SETD1B: variants seen among roughly 807,000 people sequenced by gnomAD.
SETD1B encodes histone-lysine N-methyltransferase SETD1B.
Under a neutral mutation model 148.0 loss-of-function variants are expected in SETD1B, and 7 were observed. The observed-to-expected ratio is 0.05, with a 90% confidence interval of 0.03 to 0.09. The LOEUF (loss-of-function observed/expected upper bound fraction) is 0.09, where lower values mean the gene tolerates loss of function less well. Among genes scored for constraint, SETD1B ranks in the 10% least tolerant of loss-of-function variants. SETD1B has a pLI of 1.00. For missense variants in SETD1B, 2,155 were observed against 2,729.9 expected (o/e 0.79, Z 4.69); for synonymous variants, 1,361 against 1,186.5 (o/e 1.15, Z -3.02).
chr12:121,827,466 G>C (rs1237059702), intron 13 of SETD1B, 53 bp from the exon 14 acceptor site: 15 of 1,479,852 alleles, frequency 1.0e-5, no homozygotes, highest in African/African-American at 1.4e-5. Context: ...CCTAGGGTGG[G>C]ACCGCCGAGG....
chr12:121,822,395 G>A (rs1035518336), intron 11 of SETD1B, 95 bp from the exon 12 acceptor site: 1 of 1,414,960 alleles, frequency 7.1e-7, no homozygotes, highest in Non-Finnish European at 9.4e-7. Context: ...TCAGACTCAG[G>A]GCTGTGAGCC....
chr12:121,816,471 A>C (rs1415781403), intron 7 of SETD1B, among the ~76,000 whole-genome samples: 1 of 152,254 alleles, frequency 6.6e-6, no homozygotes, highest in Non-Finnish European at 1.5e-5. Flanking sequence ...TACTGACCCT[A>C]CAGTAACAGC....
At chr12:121,818,350 G>T (rs1876399168) in intron 10 of SETD1B, among the ~76,000 whole-genome samples, 1 of 151,616 alleles carries the variant, frequency 6.6e-6, no homozygotes, top group African/African-American at 2.4e-5. Flanking sequence ...ATCACCTGAG[G>T]TTAGGAGTTC....
rs1877098131 is a variant in SETD1B at position 121,831,634 on chromosome 12, A to G, written c.*1395A>G. ...CTTTGTACTTCCAAAAAAAAAGGAAAAAAAAGACAAAAGCAAGTCCCCCCG... is the reference window on the plus strand; with the variant it reads ...CTTTGTACTTCCAAAAAAAAAGGAAGAAAAAGACAAAAGCAAGTCCCCCCG... On this transcript the variant is annotated 3_prime_UTR_variant, in exon 17 of 17. Coordinates refer to ENST00000604567, the MANE Select transcript of SETD1B (RefSeq NM_001353345.2). 1 of 152,226 alleles carries G rather than the reference A, an allele frequency of 6.6e-6. No individual in the cohort carries two copies. Among genetic ancestry groups the G allele is most frequent in the East Asian group, 1.9e-4 (1 of 5,188 alleles). 9.4% of individuals were successfully genotyped at this position (152,226 alleles called of 1,614,324 possible).
the SETD1B span, chr12:121,793,980 T>G: frequency 2.9e-5 from 6 of 207,484 alleles, no homozygotes; most frequent in Non-Finnish European, 3.8e-5. Context: ...TGCCCCTGAT[T>G]AGCAGGCTCC....
At chr12:121,829,149 C>T (rs1042210019) in intron 16 of SETD1B, among the ~76,000 whole-genome samples, 1 of 152,188 alleles carries the variant, frequency 6.6e-6, no homozygotes, top group African/African-American at 2.4e-5. Flanking sequence ...CTAAGTTTCT[C>T]TGAGAGCCAA....
chr12:121,790,729 C>T, the SETD1B span, among the ~76,000 whole-genome samples: 2 of 152,224 alleles, frequency 1.3e-5, no homozygotes, highest in Non-Finnish European at 2.9e-5. Context: ...TGCTTCTCTG[C>T]TGCTTGGAAG....
At chr12:121,826,332 G>A (rs146749695) in intron 13 of SETD1B, among the ~76,000 whole-genome samples, 1,575 of 152,312 alleles carry the variant, frequency 0.01, 29 homozygotes, top group African/African-American at 0.036. Context: ...CCAAGTCAAA[G>A]GGGAGTCAGA....
intron 12 of SETD1B, among the ~76,000 whole-genome samples, chr12:121,824,712 G>A (rs1876756186): frequency 6.6e-6 from 1 of 151,854 alleles, no homozygotes; most frequent in African/African-American, 2.4e-5. Flanking sequence ...AGGCATCACT[G>A]TCACCCCAAT....
chr12:121,821,321 C>T (rs926454792), intron 11 of SETD1B, among the ~76,000 whole-genome samples: 5 of 151,994 alleles, frequency 3.3e-5, no homozygotes, highest in African/African-American at 1.2e-4. Flanking sequence ...CCTGTAATCC[C>T]AGCTACTTGG....
chr12:121,814,622 G>T lies in SETD1B; in HGVS notation c.2407G>T (p.Ala803Ser), dbSNP rs778086955. The T allele has an allele frequency of 6.5e-7, 1 of 1,543,854 alleles. No homozygotes were observed. The highest frequency in any genetic ancestry group is 8.7e-7 in the Non-Finnish European group (1 of 1,142,928). ...CCCGCCCTTCATGGCCGCTGCGGCC[G>T]CCGCTGCCTCAGCTGGGCTCCAGTT... is the stretch of plus-strand genomic sequence containing the variant. The part of the protein sequence containing the change: ...PYPPFMAAAA[A>S]AASAGLQFVN... Residue 803 changes from alanine to serine, a missense_variant, in exon 7 of 17, where the codon GCC becomes TCC. By Grantham distance (99) the Ala-to-Ser change is moderately conservative. Around this residue, in one of 11 missense-constraint regions of SETD1B, gnomAD observed 289 missense variants for 423.7 expected, o/e 0.68. Coordinates refer to ENST00000604567, the MANE Select transcript of SETD1B (RefSeq NM_001353345.2).
In SETD1B at chr12:121,814,292, CCA is replaced by C; in HGVS notation, c.2079_2080del (p.Pro694ThrfsTer147). 15 of 1,057,166 alleles carry C rather than the reference CCA, an allele frequency of 1.4e-5. No homozygotes were observed. Among genetic ancestry groups the C allele is most frequent in the Admixed American group, 2.5e-5 (1 of 39,366 alleles). The allele number at this position is 1,057,166 out of a possible 1,614,324, so 65.5% of individuals were successfully genotyped here. A position where few individuals can be genotyped will look rare whatever the true frequency, so the allele number is the denominator to read the frequency against. On this transcript the variant is annotated frameshift_variant, in exon 7 of 17. Transcript: ENST00000604567. LOFTEE classifies it high-confidence loss of function. ...PPPGFPPLPPPPPPPPPQPGF... is the reference protein window; with the variant it reads ...PPPGFPPLPPXPPPPPPQPGF... Reference sequence around the variant, plus strand: ...ACCTGGCTTCCCCCCGCTGCCCCCCCCACCACCACCACCCCCACCGCAGCCTG... The same window carrying C: ...ACCTGGCTTCCCCCCGCTGCCCCCCCCCACCACCACCCCCACCGCAGCCTG...
rs375346428 is a variant in SETD1B, at chr12:121,814,805, G to A, written c.2590G>A (p.Val864Ile). ...CCCACACAAAGCCACGGTGGATGGC[G>A]TCCTGCTGGTGGTCCTCAAAGAACT... The part of the protein sequence containing the change: ...EDPHKATVDG[V>I]LLVVLKELKA... Residue 864 changes from valine to isoleucine, a missense_variant, in exon 7 of 17, where the codon GTC becomes ATC. By Grantham distance (29) the Val-to-Ile change is conservative. Transcript: ENST00000604567. 2.6e-6 allele frequency: 4 copies of A among 1,551,604 alleles called. No homozygotes were observed. Among genetic ancestry groups the A allele is most frequent in the South Asian group, 1.2e-5 (1 of 84,068 alleles).
chr12:121,801,248 G>A (rs1169771526), upstream of SETD1B: 1 of 152,314 alleles, frequency 6.6e-6, no homozygotes, highest in East Asian at 1.9e-4. Context: ...AGTGTTTTAA[G>A]CCCCCCCGTC....
At position 121,810,995 on chromosome 12, in the gene SETD1B, G is replaced by C. The variant is rs571809101; in HGVS notation, c.1890+160G>C. Among the ~76,000 whole-genome samples the C allele has an allele frequency of 6.6e-6, 1 of 152,370 alleles. No individual in the cohort carries two copies. The highest frequency in any genetic ancestry group is 1.5e-5 in the Non-Finnish European group (1 of 68,040). ...ACTTACAGAATAAAAAGGGGATGCA[G>C]AAAACACCAGGGGCTGTGATTGAGC... On this transcript the variant is annotated intron_variant, in intron 6 of 16. Coordinates refer to ENST00000604567, the MANE Select transcript of SETD1B (RefSeq NM_001353345.2). This position sits in a 1 kb window ranked among gnomAD's most constrained non-coding sequence, Gnocchi z 7.6.
chr12:121,822,776 C>G lies in SETD1B; in HGVS notation c.4197C>G (p.Ser1399Arg). ...GGGGCAGCAGTGGCCTGTCCCTGAG[C>G]TCTCCGCAAGTGCCCGGCAGCCCCT... ...LSGGSSGLSL[S>R]SPQVPGSPFS... Residue 1399 changes from serine to arginine, a missense_variant, in exon 12 of 17, where the codon AGC (serine) becomes AGG (arginine). This residue lies in a region of SETD1B where 862 missense variants were observed against 873.8 expected (regional missense o/e 0.99). Coordinates refer to ENST00000604567, the MANE Select transcript of SETD1B (RefSeq NM_001353345.2). 1.3e-6 allele frequency: 2 copies of G among 1,516,404 alleles called. No homozygotes were observed. The highest frequency in any genetic ancestry group is 1.8e-6 in the Non-Finnish European group (2 of 1,126,434). 93.9% of individuals were successfully genotyped at this position (1,516,404 alleles called of 1,614,324 possible).
chr12:121,811,644 C>G (rs1566550027), intron 6 of SETD1B, among the ~76,000 whole-genome samples: 2 of 152,214 alleles, frequency 1.3e-5, no homozygotes, highest in East Asian at 3.9e-4. Context: ...GGTCCAGGCA[C>G]CTGCCTTGGA....
Position 121,810,814 on chromosome 12 carries a change from G to A in SETD1B, c.1869G>A (p.Pro623=), listed in dbSNP as rs1236214935. ...TGGACCTGGTTGGAGACAGAACCCC[G>A]ACCTCAGAGAAGATGGATGAGGTAC... ...VALDLVGDRT[P]TSEKMDEGQQ... is the part of the protein sequence containing the mutation. The change falls in exon 6 of 17, where the codon CCG becomes CCA. Residue 623 remains proline, a synonymous_variant. Coordinates refer to ENST00000604567, the MANE Select transcript of SETD1B (RefSeq NM_001353345.2). The surrounding 1 kb of genome is among the most constrained non-coding windows in gnomAD (Gnocchi z 7.6). 11 of 1,514,340 alleles carry A rather than the reference G, an allele frequency of 7.3e-6. No individual in the cohort carries two copies. Among genetic ancestry groups the A allele is most frequent in the African/African-American group, 1.4e-5 (1 of 71,688 alleles). The allele number at this position is 1,514,340 out of a possible 1,614,324, so 93.8% of individuals were successfully genotyped here. A position where few individuals can be genotyped will look rare whatever the true frequency, so the allele number is the denominator to read the frequency against.
chr12:121,828,157 G>T (rs1034589370), intron 16 of SETD1B, 87 bp downstream of exon 16: 4 of 1,498,074 alleles, frequency 2.7e-6, no homozygotes. Context: ...GCCCCGGCAC[G>T]GGAATCAGCT....
Sources: gnomAD v4.1 joint callset for allele counts (sites outside exome capture counted in the v4.1 genomes callset) on GRCh38, gnomAD v4.1.1 for gene constraint, gnomAD v4.1.1 regional missense constraint, Gnocchi (gnomAD v3.1) non-coding constraint, MANE v1.5 for transcripts, NCBI Gene and HGNC (gene_info 2026-07-23, HGNC 2026-07-21) for gene names.